ZEB2: variants seen among roughly 807,000 people sequenced by gnomAD.
The protein encoded by ZEB2 is zinc finger E-box-binding homeobox 2.
Under a neutral mutation model 99.9 loss-of-function variants are expected in ZEB2, and 6 were observed. That is an observed-to-expected ratio of 0.06 (90% CI 0.03 to 0.12). ZEB2 has a LOEUF of 0.12. Ranked by LOEUF, ZEB2 falls within the 10% of genes least tolerant of loss-of-function variation. The pLI is 1.00. For synonymous variants in ZEB2, 517 were observed against 542.5 expected, an observed-to-expected ratio of 0.95 and a Z score of 0.65; for missense variants, 969 against 1,502.8, an observed-to-expected ratio of 0.64 and a Z score of 5.87.
intron 4 of ZEB2, chr2:144,424,203 T>A: frequency 2.9e-6 from 1 of 349,650 alleles, no homozygotes; most frequent in Non-Finnish European, 5.5e-6. Context: ...CTTCCCACTG[T>A]AATTTTTTAG....
rs143648355 is a variant in ZEB2 at position 144,387,045 on chromosome 2, G to GTATATATATATATATA, written c.*2390_*2405dup. The GTATATATATATATATA allele has an allele frequency of 1.4e-5, 2 of 139,520 alleles. No individual in the cohort carries two copies. Among genetic ancestry groups the GTATATATATATATATA allele is most frequent in the Non-Finnish European group, 3.1e-5 (2 of 64,560 alleles). The allele number at this position is 139,520 out of a possible 1,614,324, so 8.6% of individuals were successfully genotyped here. On this transcript the variant is annotated 3_prime_UTR_variant, in exon 10 of 10. Coordinates refer to ENST00000627532, the MANE Select transcript of ZEB2 (RefSeq NM_014795.4). ...ATCCTTTCTGTGTATGTGTGTGTGT[G>GTATATATATATATATA]TATATATATATATATATACACACAC...
rs768338735 is a variant in ZEB2, at chr2:144,429,800, G to A, written c.300C>T (p.Asn100=). The stretch of plus-strand genomic sequence containing the variant: ...CATCTACAGAGGCTTGTAGAATCTC[G>A]TTGTTGTGCCAGGGGTGTTCCACTC... ...EGGVEHPWHN[N]EILQASVDGP... The change falls in exon 3 of 10, where the codon AAC becomes AAT. Residue 100 remains asparagine, a synonymous_variant. Coordinates refer to ENST00000627532, the MANE Select transcript of ZEB2 (RefSeq NM_014795.4). 9 of 1,613,788 alleles carry A rather than the reference G, an allele frequency of 5.6e-6. No homozygotes were observed. Among genetic ancestry groups the A allele is most frequent in the African/African-American group, 1.3e-5 (1 of 74,996 alleles).
intron 4 of ZEB2, among the ~76,000 whole-genome samples, chr2:144,413,352 G>T (rs1177781198): frequency 6.6e-6 from 1 of 152,168 alleles, no homozygotes; most frequent in Non-Finnish European, 1.5e-5. Flanking sequence ...ATTTCTTGTG[G>T]GAACACTTGC....
chr2:144,449,774 A>G (rs1346391093), intron 2 of ZEB2: 1 of 152,226 alleles, frequency 6.6e-6, no homozygotes, highest in Non-Finnish European at 1.5e-5. Context: ...AAGGACAAAA[A>G]CTGGGGTGAG....
At chr2:144,438,127 G>A (rs2149894494) in intron 2 of ZEB2, among the ~76,000 whole-genome samples, 1 of 152,256 alleles carries the variant, frequency 6.6e-6, no homozygotes, top group East Asian at 1.9e-4. Context: ...GGCATTCCAT[G>A]CTTCCATGAA....
intron 2 of ZEB2, among the ~76,000 whole-genome samples, chr2:144,433,635 A>G (rs1703801544): frequency 6.6e-6 from 1 of 152,204 alleles, no homozygotes; most frequent in South Asian, 2.1e-4. Context: ...CTATATTTAA[A>G]AGGCTTTATA....
rs1302072133 is a variant in ZEB2 at position 144,387,631 on chromosome 2, A to T, written c.*1820T>A. ...TACATATTATAAATAACACTGAATA[A>T]TAGCTGTCTTTTTGAAATTAGACTT... On this transcript the variant is annotated 3_prime_UTR_variant, in exon 10 of 10. Coordinates refer to ENST00000627532, the MANE Select transcript of ZEB2 (RefSeq NM_014795.4). 6.6e-6 allele frequency: 1 copy of T among 152,230 alleles called. No homozygotes were observed. The highest frequency in any genetic ancestry group is 1.5e-5 in the Non-Finnish European group (1 of 68,026). The allele number at this position is 152,230 out of a possible 1,614,324, so 9.4% of individuals were successfully genotyped here. A position where few individuals can be genotyped will look rare whatever the true frequency, so the allele number is the denominator to read the frequency against.
intron 9 of ZEB2, among the ~76,000 whole-genome samples, chr2:144,391,007 A>G (rs1222541759): frequency 6.6e-6 from 1 of 152,276 alleles, no homozygotes; most frequent in East Asian, 1.9e-4. Flanking sequence ...TCACTGTAAC[A>G]TATATGAAGT....
chr2:144,518,559 T>C (rs1705208275), intron 1 of ZEB2: 1 of 152,224 alleles, frequency 6.6e-6, no homozygotes, highest in East Asian at 1.9e-4. Flanking sequence ...CTAGAAGCTT[T>C]GCAGAAAACC....
intron 2 of ZEB2, among the ~76,000 whole-genome samples, chr2:144,483,117 G>GAC (rs70985858): frequency 0.065 from 8,490 of 130,662 alleles, 339 homozygotes; most frequent in African/African-American, 0.11. Flanking sequence ...GTTTAGGTAA[G>GAC]ACACACACAC....
chr2:144,432,897 G>A (rs1383719960), intron 2 of ZEB2, among the ~76,000 whole-genome samples: 1 of 152,134 alleles, frequency 6.6e-6, no homozygotes, highest in Non-Finnish European at 1.5e-5. Flanking sequence ...TCATTGGGCA[G>A]AATATATTAG....
At position 144,517,453 on chromosome 2, in the gene ZEB2, G is replaced by T. The variant is rs769389561; in HGVS notation, c.-69-34C>A. 4 of 1,452,914 alleles carry T rather than the reference G, an allele frequency of 2.8e-6. No homozygotes were observed. In the South Asian group the frequency reaches 4.6e-5, roughly 17 times the overall value. The allele number at this position is 1,452,914 out of a possible 1,614,324, so 90.0% of individuals were successfully genotyped here. A position where few individuals can be genotyped will look rare whatever the true frequency, so the allele number is the denominator to read the frequency against. On this transcript the variant is annotated intron_variant, in intron 1 of 9. Coordinates refer to ENST00000627532, the MANE Select transcript of ZEB2 (RefSeq NM_014795.4). ...CAAACACAGCGACAATGTGGGCATC[G>T]CCCGCGCCCATTGAAACGCGCGCGG...
chr2:144,410,037 G>A (rs1703438520), intron 4 of ZEB2, among the ~76,000 whole-genome samples: 1 of 151,238 alleles, frequency 6.6e-6, no homozygotes, highest in Non-Finnish European at 1.5e-5. Context: ...TCGGCCTCCT[G>A]TGTAGCTGGG....
intron 2 of ZEB2, chr2:144,512,909 G>A (rs1705065305): frequency 3.1e-6 from 4 of 1,287,122 alleles, no homozygotes; most frequent in Admixed American, 2.3e-5. Context: ...CTGCCCCAGT[G>A]CTTTGAAAGT....
At chr2:144,467,708 T>C (rs893625547) in intron 2 of ZEB2, among the ~76,000 whole-genome samples, 6 of 152,198 alleles carry the variant, frequency 3.9e-5, no homozygotes, top group African/African-American at 7.2e-5. Context: ...GGAACCAAGT[T>C]TGTGGGATTT....
chr2:144,490,404 CT>C (rs1344150277), intron 2 of ZEB2, among the ~76,000 whole-genome samples: 2 of 152,262 alleles, frequency 1.3e-5, no homozygotes, highest in East Asian at 3.9e-4. Flanking sequence ...CTCACAGAAC[CT>C]TTCCTACTCA....
chr2:144,486,643 G>A (rs1704601303), intron 2 of ZEB2, among the ~76,000 whole-genome samples: 1 of 152,050 alleles, frequency 6.6e-6, no homozygotes, highest in Non-Finnish European at 1.5e-5. Context: ...TTTGCATGTT[G>A]AAATGTGTAA....
chr2:144,451,430 G>A (rs1363060917), intron 2 of ZEB2, among the ~76,000 whole-genome samples: 4 of 152,240 alleles, frequency 2.6e-5, no homozygotes, highest in African/African-American at 4.8e-5. Flanking sequence ...TTGACTTAGC[G>A]TCTCTTAAAT....
chr2:144,492,854 T>G (rs1251478760), intron 2 of ZEB2, among the ~76,000 whole-genome samples: 1 of 152,250 alleles, frequency 6.6e-6, no homozygotes, highest in Non-Finnish European at 1.5e-5. Flanking sequence ...ATACTGAATC[T>G]TTAATATACC....
Sources: allele counts gnomAD v4.1 joint callset (sites outside exome capture counted in the v4.1 genomes callset), GRCh38; gene constraint gnomAD v4.1.1; transcripts MANE v1.5; gene names NCBI Gene and HGNC (gene_info 2026-07-23, HGNC 2026-07-21).